The following DYM variants were observed in gnomAD, a reference collection of about 807,000 sequenced individuals.
DYM encodes the protein dymeclin.
DYM carries 78 observed loss-of-function variants against 93.1 expected under a neutral mutation model. That is an observed-to-expected ratio of 0.84 (90% CI 0.70 to 1.01). DYM has a LOEUF of 1.01. Among genes scored for constraint, DYM ranks in the 50% least tolerant of loss-of-function variants. The probability of loss-of-function intolerance (pLI) is 0.00; values close to 1 mark genes in which losing one functional copy is unlikely to be tolerated. For synonymous variants in DYM, 321 were observed against 319.7 expected, an observed-to-expected ratio of 1.00 and a Z score of -0.04; for missense variants, 789 against 845.0, an observed-to-expected ratio of 0.93 and a Z score of 0.82.
chr18:49,107,051 C>T (rs1027049054), intron 16 of DYM, among the ~76,000 whole-genome samples: 6 of 152,196 alleles, frequency 3.9e-5, no homozygotes, highest in Admixed American at 1.3e-4. Context: ...ACCAATCAGA[C>T]GTAGATTCGG....
At position 49,411,734 on chromosome 18, in the gene DYM, G is replaced by A. The variant is rs1010271757; in HGVS notation, c.140+18521C>T. 5.9e-5 allele frequency among the ~76,000 whole-genome samples: 9 copies of A among 152,052 alleles called. 1 individual carries two copies. ...CTTAGTCCCTTCAGCTGAAAGTTCC[G>A]CCATAAAATTCTTTCAAAACTGACA... is the stretch of plus-strand genomic sequence containing the variant. On this transcript the variant is annotated intron_variant, in intron 2 of 17. Coordinates refer to ENST00000675505, the MANE Select transcript of DYM (RefSeq NM_001353214.3).
chr18:49,107,052 G>A (rs1193690304), intron 16 of DYM, among the ~76,000 whole-genome samples: 1 of 152,182 alleles, frequency 6.6e-6, no homozygotes, highest in Admixed American at 6.5e-5. Flanking sequence ...CCAATCAGAC[G>A]TAGATTCGGT....
At chr18:49,068,623 G>C (rs527659174) in intron 17 of DYM, among the ~76,000 whole-genome samples, 2 of 152,252 alleles carry the variant, frequency 1.3e-5, no homozygotes, top group East Asian at 3.9e-4. Flanking sequence ...AAATGAACTG[G>C]GTACCCTGAC....
chr18:49,219,325 G>A lies in DYM; in HGVS notation c.1461-9610C>T, dbSNP rs1268137905. ...GATTCACAGCCAAATTCTACCAGAGGTACAAGGAGGAACTGGTACCATTCC... is the reference window on the plus strand; with the variant it reads ...GATTCACAGCCAAATTCTACCAGAGATACAAGGAGGAACTGGTACCATTCC... On this transcript the variant is annotated intron_variant, in intron 13 of 17. Coordinates refer to ENST00000675505, the MANE Select transcript of DYM (RefSeq NM_001353214.3). Among the ~76,000 whole-genome samples, 3 of 152,152 alleles carry A rather than the reference G, an allele frequency of 2.0e-5. No individual in the cohort carries two copies. In the East Asian group the frequency reaches 5.8e-4, roughly 29 times the overall value.
intron 3 of DYM, among the ~76,000 whole-genome samples, chr18:49,388,333 T>C (rs139434904): frequency 0.011 from 1,630 of 149,026 alleles, 27 homozygotes; most frequent in African/African-American, 0.039. Flanking sequence ...TGTCTCAAAA[T>C]AAAAATAAAA....
intron 2 of DYM, among the ~76,000 whole-genome samples, chr18:49,428,670 C>T (rs886212298): frequency 1.3e-5 from 2 of 152,092 alleles, no homozygotes; most frequent in African/African-American, 4.8e-5. Context: ...GACTGAGACT[C>T]CCTCTCAAAA....
At chr18:49,342,158 T>C (rs2064213729) in intron 6 of DYM, among the ~76,000 whole-genome samples, 1 of 152,210 alleles carries the variant, frequency 6.6e-6, no homozygotes, top group African/African-American at 2.4e-5. Context: ...AGGTCCCTGT[T>C]TTCTTGCTGG....
intron 17 of DYM, among the ~76,000 whole-genome samples, chr18:49,064,327 C>T (rs1000588500): frequency 2.0e-5 from 3 of 152,238 alleles, no homozygotes; most frequent in African/African-American, 7.2e-5. Context: ...AAATTAACTT[C>T]TCAGATTTCA....
At chr18:49,441,128 TTATATAAATATATTATATAATATA>T (rs2081460452) in intron 1 of DYM, among the ~76,000 whole-genome samples, 2 of 4,046 alleles carry the variant, frequency 4.9e-4, no homozygotes, top group Non-Finnish European at 1.5e-3. Flanking sequence ...TATTATATAT[TTATATAAATATATTATATAATATA>T]ATATATATTA....
At chr18:49,355,663 A>T (rs534685462) in intron 6 of DYM, among the ~76,000 whole-genome samples, 11 of 152,166 alleles carry the variant, frequency 7.2e-5, no homozygotes, top group Admixed American at 3.3e-4. Context: ...GCAGAAGGCT[A>T]TATGTGTGTG....
intron 6 of DYM, among the ~76,000 whole-genome samples, chr18:49,339,413 G>A (rs1235280235): frequency 2.0e-5 from 3 of 152,194 alleles, no homozygotes; most frequent in African/African-American, 7.2e-5. Flanking sequence ...ACTTTTGAGA[G>A]ATCAGCTTAC....
intron 13 of DYM, among the ~76,000 whole-genome samples, chr18:49,254,086 G>A (rs1032395990): frequency 1.3e-5 from 2 of 151,944 alleles, no homozygotes; most frequent in Non-Finnish European, 2.9e-5. Flanking sequence ...GATGATTGCT[G>A]TATCAGGCCA....
intron 1 of DYM, among the ~76,000 whole-genome samples, chr18:49,436,705 G>A (rs553128037): frequency 1.5e-4 from 23 of 152,228 alleles, no homozygotes; most frequent in Middle Eastern, 3.4e-3. Flanking sequence ...GGATGAAAGT[G>A]GGTTAGTTCA....
intron 13 of DYM, among the ~76,000 whole-genome samples, chr18:49,251,911 G>C (rs112372304): frequency 7.4e-4 from 112 of 152,056 alleles, no homozygotes; most frequent in African/African-American, 2.6e-3. Context: ...CAGTTCTCAC[G>C]CTGCTATAAA....
At chr18:49,309,391 T>C (rs561497054) in intron 8 of DYM, among the ~76,000 whole-genome samples, 1 of 152,174 alleles carries the variant, frequency 6.6e-6, no homozygotes, top group Non-Finnish European at 1.5e-5. Context: ...TCCCAGCATT[T>C]TGAGAGGCTG....
chr18:49,309,825 C>G (rs1163845856), intron 8 of DYM, among the ~76,000 whole-genome samples: 1 of 152,118 alleles, frequency 6.6e-6, no homozygotes, highest in Non-Finnish European at 1.5e-5. Flanking sequence ...TTAAGAAACA[C>G]TGGCCAACAT....
intron 16 of DYM, among the ~76,000 whole-genome samples, chr18:49,115,416 C>T (rs1257203082): frequency 6.6e-6 from 1 of 152,168 alleles, no homozygotes; most frequent in African/African-American, 2.4e-5. Flanking sequence ...CTCCCATTTA[C>T]TGCAGGTGTA....
At chr18:49,434,529 A>G (rs1568439428) in intron 1 of DYM, among the ~76,000 whole-genome samples, 2 of 152,080 alleles carry the variant, frequency 1.3e-5, no homozygotes, top group Non-Finnish European at 2.9e-5. Context: ...TCAAAAAAAC[A>G]AAACAAAAAA....
intron 15 of DYM, among the ~76,000 whole-genome samples, chr18:49,123,250 C>T (rs1014890170): frequency 6.6e-6 from 1 of 152,084 alleles, no homozygotes; most frequent in East Asian, 1.9e-4. Context: ...TGGCTTAATA[C>T]TTCCAAATCT....
Sources: allele counts gnomAD v4.1 joint callset (sites outside exome capture counted in the v4.1 genomes callset), GRCh38; gene constraint gnomAD v4.1.1; transcripts MANE v1.5; gene names NCBI Gene and HGNC (gene_info 2026-07-23, HGNC 2026-07-21).